PLXNA2: variants seen among roughly 807,000 people sequenced by gnomAD.
The protein encoded by PLXNA2 is plexin A2.
In PLXNA2, 91 loss-of-function variants were observed where a neutral mutation model predicts 193.5. The ratio of observed to expected loss-of-function variants is 0.47; its 90% CI spans 0.40 to 0.56. The LOEUF is 0.56. Among genes scored for constraint, PLXNA2 ranks in the 20% least tolerant of loss-of-function variants. The probability of loss-of-function intolerance (pLI) is 0.00; values close to 1 mark genes in which losing one functional copy is unlikely to be tolerated. For synonymous variants in PLXNA2, 997 were observed against 1,027.3 expected (o/e 0.97, Z 0.56); for missense variants, 1,995 against 2,503.2 (o/e 0.80, Z 4.33).
In PLXNA2 at chr1:208,229,030, C is replaced by T. The variant is rs150155830; in HGVS notation, c.-80-11028G>A. Among the ~76,000 whole-genome samples, 1,089 of 152,260 alleles carry T rather than the reference C, an allele frequency of 7.2e-3. 12 individuals carry two copies. Among genetic ancestry groups the T allele is most frequent in the African/African-American group, 0.025 (1,019 of 41,542 alleles). ...GGCGTAGAGGAGGAAAGGGGAAAAC[C>T]GGTCCTGAGGAGGAGGAGAAGATGC... is the stretch of plus-strand genomic sequence containing the variant. On this transcript the variant is annotated intron_variant, in intron 1 of 31. Transcript: ENST00000367033.
At chr1:208,076,443 T>C (rs1196559741) in intron 12 of PLXNA2, among the ~76,000 whole-genome samples, 2 of 152,164 alleles carry the variant, frequency 1.3e-5, no homozygotes, top group Middle Eastern at 3.2e-3. Flanking sequence ...CTTATTCTAT[T>C]GGTGAAATCC....
intron 4 of PLXNA2, among the ~76,000 whole-genome samples, chr1:208,113,219 T>C (rs1232674050): frequency 1.3e-5 from 2 of 152,112 alleles, no homozygotes; most frequent in Admixed American, 6.5e-5. Flanking sequence ...AGGGTCCACA[T>C]TGACTGCCCT....
intron 3 of PLXNA2, among the ~76,000 whole-genome samples, chr1:208,163,222 G>T (rs1313308188): frequency 6.6e-6 from 1 of 152,084 alleles, no homozygotes; most frequent in Non-Finnish European, 1.5e-5. Flanking sequence ...GTTTCTGGTG[G>T]AGGGATGCCA....
intron 3 of PLXNA2, among the ~76,000 whole-genome samples, chr1:208,144,525 G>A (rs998016684): frequency 6.6e-6 from 1 of 152,150 alleles, no homozygotes; most frequent in African/African-American, 2.4e-5. Flanking sequence ...GCAGATTCTT[G>A]CCTGAGGCCC....
chr1:208,128,695 CTTTTT>C (rs34853346), intron 4 of PLXNA2, among the ~76,000 whole-genome samples: 1 of 81,670 alleles, frequency 1.2e-5, no homozygotes, highest in African/African-American at 4.6e-5. Flanking sequence ...CTGTTTCTTT[CTTTTT>C]TTTTTTTTTT....
In PLXNA2 at chr1:208,042,264, G is replaced by T; in HGVS notation, c.4120C>A (p.Leu1374Met). 6.2e-7 allele frequency: 1 copy of T among 1,614,248 alleles called. No individual in the cohort carries two copies. Among genetic ancestry groups the T allele is most frequent in the Non-Finnish European group, 8.5e-7 (1 of 1,180,042 alleles). Residue 1374 changes from leucine (L) to methionine (M), a missense_variant, in exon 22 of 32, where the codon CTG (leucine) becomes ATG (methionine). Coordinates refer to ENST00000367033, the MANE Select transcript of PLXNA2 (RefSeq NM_025179.4). The stretch of plus-strand genomic sequence containing the variant: ...TCGCGCATGGAGAAACTGCGCTGCA[G>T]CTCCAGGGTGCGGATGAAGGTCAGC... ...FLLTFIRTLE[L>M]QRSFSMRDRG...
At chr1:208,095,287 T>G (rs1045852443) in intron 8 of PLXNA2, among the ~76,000 whole-genome samples, 3 of 151,998 alleles carry the variant, frequency 2.0e-5, no homozygotes, top group Non-Finnish European at 4.4e-5. Flanking sequence ...TAAGTAGGGG[T>G]TTCACTCCCT....
chr1:208,052,883 GC>G (rs1349944999), intron 14 of PLXNA2, among the ~76,000 whole-genome samples: 1 of 152,052 alleles, frequency 6.6e-6, no homozygotes. Flanking sequence ...CCACCGAGAG[GC>G]TAAAGTCCTC....
At chr1:208,233,744 G>A (rs1157343206) in intron 1 of PLXNA2, among the ~76,000 whole-genome samples, 2 of 152,232 alleles carry the variant, frequency 1.3e-5, no homozygotes, top group African/African-American at 2.4e-5. Context: ...TCTTCAAGCT[G>A]TGAATGCTGA....
At chr1:208,199,025 T>A (rs748571854) in intron 3 of PLXNA2, among the ~76,000 whole-genome samples, 6 of 152,216 alleles carry the variant, frequency 3.9e-5, no homozygotes, top group Non-Finnish European at 8.8e-5. Flanking sequence ...ATATAGTAAG[T>A]GCTGAATTTA....
At chr1:208,066,717 CAGA>C (rs1665807493) in intron 12 of PLXNA2, among the ~76,000 whole-genome samples, 1 of 151,996 alleles carries the variant, frequency 6.6e-6, no homozygotes, top group African/African-American at 2.4e-5. Context: ...GGAGGGATTC[CAGA>C]AGAAGGCATT....
intron 4 of PLXNA2, among the ~76,000 whole-genome samples, chr1:208,125,216 T>C (rs1667937115): frequency 6.6e-6 from 1 of 152,048 alleles, no homozygotes; most frequent in Non-Finnish European, 1.5e-5. Flanking sequence ...ATCCGGGAGG[T>C]GAGGATAACA....
In PLXNA2 at chr1:208,217,086, G is replaced by T; in HGVS notation, c.837C>A (p.Arg279=). 6.2e-7 allele frequency: 1 copy of T among 1,614,202 alleles called. No homozygotes were observed. The change falls in exon 2 of 32, where the codon CGC becomes CGA. Residue 279 remains arginine (R), a synonymous_variant. Transcript: ENST00000367033. The surrounding 1 kb of genome is among the most constrained non-coding windows in gnomAD (Gnocchi z 4.7). ...NSAGDLFYTS[R]IVRLCKDDPK... is the part of the protein sequence containing the mutation. ...GGTCATCCTTGCAGAGCCGCACGATGCGTGAGGTGTAGAAGAGGTCTCCAG... is the reference window on the plus strand; with the variant it reads ...GGTCATCCTTGCAGAGCCGCACGATTCGTGAGGTGTAGAAGAGGTCTCCAG...
rs780897306 is a variant in PLXNA2 at position 208,044,299 on chromosome 1, G to A, written c.3874+209C>T. ...AAGAAGGGACTAGAACAATGCAATT[G>A]GACCTGGGTCCTCATGCAGTGGGCA... On this transcript the variant is annotated intron_variant, in intron 20 of 31. Transcript: ENST00000367033. This position sits in a 1 kb window ranked among gnomAD's most constrained non-coding sequence, Gnocchi z 4.9. Among the ~76,000 whole-genome samples, 14 of 152,242 alleles carry A rather than the reference G, an allele frequency of 9.2e-5. No individual in the cohort carries two copies. The highest frequency in any genetic ancestry group is 1.3e-4 in the Non-Finnish European group (9 of 68,048).
At chr1:208,083,751 CTCTG>C (rs1263688092) in intron 10 of PLXNA2, among the ~76,000 whole-genome samples, 2 of 152,144 alleles carry the variant, frequency 1.3e-5, no homozygotes, top group African/African-American at 4.8e-5. Context: ...ACCTCATGCT[CTCTG>C]TCTGCCATTC....
chr1:208,092,239 A>G (rs1666738788), intron 9 of PLXNA2, among the ~76,000 whole-genome samples: 1 of 152,248 alleles, frequency 6.6e-6, no homozygotes, highest in African/African-American at 2.4e-5. Context: ...TCGACTGTAT[A>G]ATAAAACAGG....
chr1:208,186,405 T>C (rs143285507), intron 3 of PLXNA2, among the ~76,000 whole-genome samples: 470 of 152,200 alleles, frequency 3.1e-3, no homozygotes, highest in Non-Finnish European at 5.1e-3. Context: ...AAAATGTAAT[T>C]TGGCAAAAAA....
intron 4 of PLXNA2, among the ~76,000 whole-genome samples, chr1:208,140,143 G>A (rs1668419319): frequency 6.6e-6 from 1 of 152,152 alleles, no homozygotes; most frequent in Admixed American, 6.5e-5. Context: ...AGCAGAAGGT[G>A]GGACAGAGGA....
intron 12 of PLXNA2, among the ~76,000 whole-genome samples, chr1:208,067,201 A>G (rs1033308813): frequency 6.6e-6 from 1 of 152,020 alleles, no homozygotes; most frequent in African/African-American, 2.4e-5. Context: ...AAAATTAGCC[A>G]GGCTTGGTGT....
Sources: gnomAD v4.1 joint callset for allele counts (sites outside exome capture counted in the v4.1 genomes callset) on GRCh38, gnomAD v4.1.1 for gene constraint, Gnocchi (gnomAD v3.1) non-coding constraint, MANE v1.5 for transcripts, NCBI Gene and HGNC (gene_info 2026-07-23, HGNC 2026-07-21) for gene names.